Variants in MCAM observed in about 807,000 individuals in gnomAD.
The protein encoded by MCAM is cell surface glycoprotein MUC18.
Under a neutral mutation model 79.1 loss-of-function variants are expected in MCAM, and 55 were observed. The observed-to-expected ratio is 0.70, with a 90% CI of 0.56 to 0.87. The LOEUF (loss-of-function observed/expected upper bound fraction) is 0.87, where lower values mean the gene tolerates loss of function less well. Among genes scored for constraint, MCAM ranks in the 40% least tolerant of loss-of-function variants. The pLI is 0.00. For synonymous variants in MCAM, 330 were observed against 339.8 expected, an observed-to-expected ratio of 0.97 and a Z score of 0.32; for missense variants, 745 against 839.8, an observed-to-expected ratio of 0.89 and a Z score of 1.40.
At position 119,310,434 on chromosome 11, in the gene MCAM, A is replaced by G. The variant is rs1342501335; in HGVS notation, c.1826T>C (p.Val609Ala). The part of the protein sequence containing the change: ...TLPPSRKSEL[V>A]VEVKSDKLPE... ...GAGCTTATCTGACTTAACTTCAACT[A>G]CAAGTTCGCTCTTACGAGACGGGGG... Residue 609 changes from valine to alanine, a missense_variant, in exon 15 of 16, where the codon GTA becomes GCA. Coordinates refer to ENST00000264036, the MANE Select transcript of MCAM (RefSeq NM_006500.3). 1 of 1,613,554 alleles carries G rather than the reference A, an allele frequency of 6.2e-7. No homozygotes were observed. Among genetic ancestry groups the G allele is most frequent in the African/African-American group, 1.3e-5 (1 of 74,870 alleles).
chr11:119,311,057 C>A lies in MCAM; in HGVS notation c.1645+33G>T. ...GGACAGGGCAGAAAGGATGCCCTGG[C>A]ACAGCCCTGTTCTCTTGCCAGGCCT... On this transcript the variant is annotated intron_variant, in intron 13 of 15. Transcript: ENST00000264036. The surrounding 1 kb of genome is among the most constrained non-coding windows in gnomAD (Gnocchi z 4.4). 1 of 1,614,194 alleles carries A rather than the reference C, an allele frequency of 6.2e-7. No individual in the cohort carries two copies. The highest frequency in any genetic ancestry group is 8.5e-7 in the Non-Finnish European group (1 of 1,180,010).
Position 119,315,634 on chromosome 11 carries a change from G to A in MCAM, c.68-371C>T, listed in dbSNP as rs1950301879. ...GTGTGGGAATGCAAAGCATGTGCCA[G>A]GCTGGGGCACACAGGCCCTTTTGTG... On this transcript the variant is annotated intron_variant, in intron 1 of 15. Transcript: ENST00000264036. This position sits in a 1 kb window ranked among gnomAD's most constrained non-coding sequence, Gnocchi z 4.4. The A allele has an allele frequency of 3.9e-6, 1 of 255,594 alleles. No homozygotes were observed. The highest frequency in any genetic ancestry group is 2.2e-5 in the African/African-American group (1 of 46,222). The allele number at this position is 255,594 out of a possible 1,614,324, so 15.8% of individuals were successfully genotyped here.
chr11:119,316,812 C>G lies in MCAM; in HGVS notation c.67+223G>C, dbSNP rs1364566660. On this transcript the variant is annotated intron_variant, in intron 1 of 15. Coordinates refer to ENST00000264036, the MANE Select transcript of MCAM (RefSeq NM_006500.3). The surrounding 1 kb of genome is among the most constrained non-coding windows in gnomAD (Gnocchi z 4.8). ...TCGTTCCCAGAAGCAGCCTCCTCCCCGCCTTCCGAGTGCTGCTCCCGGGAT... is the reference window on the plus strand; with the variant it reads ...TCGTTCCCAGAAGCAGCCTCCTCCCGGCCTTCCGAGTGCTGCTCCCGGGAT... 1.9e-6 allele frequency: 1 copy of G among 516,220 alleles called. No homozygotes were observed. The highest frequency in any genetic ancestry group is 3.8e-5 in the Admixed American group (1 of 26,472). 32.0% of individuals were successfully genotyped at this position (516,220 alleles called of 1,614,324 possible). A position where few individuals can be genotyped will look rare whatever the true frequency, so the allele number is the denominator to read the frequency against.
At position 119,312,399 on chromosome 11, in the gene MCAM, C is replaced by G. The variant is rs1950247489; in HGVS notation, c.891G>C (p.Glu297Asp). The G allele has an allele frequency of 1.2e-6, 2 of 1,613,972 alleles. No individual in the cohort carries two copies. Among genetic ancestry groups the G allele is most frequent in the Admixed American group, 3.3e-5 (2 of 60,002 alleles). Reference protein sequence around the residue: ...QNPSTREAEEETTNDNGVLVL... With the variant: ...QNPSTREAEEDTTNDNGVLVL... ...CCAGGACCCCGTTGTCGTTGGTTGT[C>G]TCTTCCTCTGCCTCCCTGGTGCTGG... Residue 297 changes from glutamate to aspartate, a missense_variant, in exon 8 of 16, where the codon GAG (glutamate) becomes GAC (aspartate). By Grantham distance (45) the Glu-to-Asp change is conservative. Coordinates refer to ENST00000264036, the MANE Select transcript of MCAM (RefSeq NM_006500.3). This position sits in a 1 kb window ranked among gnomAD's most constrained non-coding sequence, Gnocchi z 4.9.
chr11:119,308,973 TTTC>T lies in MCAM; in HGVS notation c.*910_*912del, dbSNP rs1212303217. ...GCTTCCTCACCGCAGGCACGTATCT[TTTC>T]TTTTTTTTTCCTCGAGACGGAGTCT... On this transcript the variant is annotated 3_prime_UTR_variant, in exon 16 of 16. Coordinates refer to ENST00000264036, the MANE Select transcript of MCAM (RefSeq NM_006500.3). The T allele has an allele frequency of 4.6e-5, 7 of 152,126 alleles. No individual in the cohort carries two copies. Among genetic ancestry groups the T allele is most frequent in the Admixed American group, 2.0e-4 (3 of 15,286 alleles). 9.4% of individuals were successfully genotyped at this position (152,126 alleles called of 1,614,324 possible).
At chr11:119,310,253 G>T in intron 15 of MCAM, 96 bp downstream of exon 15, 1 of 870,936 alleles carries the variant, frequency 1.1e-6, no homozygotes, top group South Asian at 1.4e-5. Context: ...CCCTATCTCT[G>T]ACAAAGAGGG....
chr11:119,310,775 G>C lies in MCAM; in HGVS notation c.1774C>G (p.Arg592Gly). ...GCTTACATCTCCTGCTTCCCTGAGC[G>C]CCTGCACGGCAGCTTGCCCTTCTTA... ...LYKKGKLPCR[R>G]SGKQEITLPP... is the part of the protein sequence containing the mutation. Residue 592 changes from arginine to glycine, a missense_variant, in exon 14 of 16, where the codon CGC becomes GGC. By Grantham distance (125) the Arg-to-Gly change is moderately radical. Coordinates refer to ENST00000264036, the MANE Select transcript of MCAM (RefSeq NM_006500.3). The C allele has an allele frequency of 6.2e-7, 1 of 1,614,060 alleles. No homozygotes were observed. Among genetic ancestry groups the C allele is most frequent in the Non-Finnish European group, 8.5e-7 (1 of 1,180,018 alleles).
intron 5 of MCAM, chr11:119,313,323 G>A: frequency 1.5e-6 from 2 of 1,305,022 alleles, no homozygotes; most frequent in Non-Finnish European, 2.0e-6. Flanking sequence ...CAGAAACATT[G>A]TATAAAAGAA....
chr11:119,314,021 G>C, intron 5 of MCAM: 1 of 982,960 alleles, frequency 1.0e-6, no homozygotes, highest in Non-Finnish European at 1.2e-6. Context: ...TGGGAGGGGG[G>C]GTCTCAGGCA....
rs150069507 is a variant in MCAM at position 119,312,951 on chromosome 11, T to TGGGCA, written c.560-7_560-3dup. 673 of 1,614,062 alleles carry TGGGCA rather than the reference T, an allele frequency of 4.2e-4. 4 individuals carry two copies. The African/African-American group carries it at 8.1e-3, about 19-fold the overall frequency. On this transcript the variant is annotated splice_polypyrimidine_tract_variant and splice_region_variant and intron_variant, in intron 5 of 15. Transcript: ENST00000264036. This position sits in a 1 kb window ranked among gnomAD's most constrained non-coding sequence, Gnocchi z 4.9. Reference sequence around the variant, plus strand: ...TCTGGGACGACTGAATGTGGACCCCTGGGCAGGGAGGAAGGGGAGGAAGAC... The same window carrying TGGGCA: ...TCTGGGACGACTGAATGTGGACCCCTGGGCAGGGCAGGGAGGAAGGGGAGGAAGAC...
Position 119,315,364 on chromosome 11 carries a change from G to A in MCAM, c.68-101C>T. 6.9e-7 allele frequency: 1 copy of A among 1,452,868 alleles called. No homozygotes were observed. Among genetic ancestry groups the A allele is most frequent in the Non-Finnish European group, 9.2e-7 (1 of 1,084,690 alleles). 90.0% of individuals were successfully genotyped at this position (1,452,868 alleles called of 1,614,324 possible). On this transcript the variant is annotated intron_variant, in intron 1 of 15. Transcript: ENST00000264036. This position sits in a 1 kb window ranked among gnomAD's most constrained non-coding sequence, Gnocchi z 4.4. Reference sequence around the variant, plus strand: ...GCAGCTGTTTTTCCTGCCACTCAGAGGGTCTGCAGAGGGCCCTGTCCTCTG... The same window carrying A: ...GCAGCTGTTTTTCCTGCCACTCAGAAGGTCTGCAGAGGGCCCTGTCCTCTG...
Position 119,311,412 on chromosome 11 carries a change from G to C in MCAM, c.1417C>G (p.Gln473Glu). The C allele has an allele frequency of 6.2e-7, 1 of 1,614,118 alleles. No homozygotes were observed. The highest frequency in any genetic ancestry group is 8.5e-7 in the Non-Finnish European group (1 of 1,179,988). Residue 473 changes from glutamine (Q) to glutamate (E), a missense_variant, in exon 12 of 16, where the codon CAA becomes GAA. Physicochemically the swap from Gln to Glu is conservative, Grantham distance 29. Coordinates refer to ENST00000264036, the MANE Select transcript of MCAM (RefSeq NM_006500.3). The surrounding 1 kb of genome is among the most constrained non-coding windows in gnomAD (Gnocchi z 4.4). ...SWNVNGTASE[Q>E]DQDPQRVLST... ...AGGACTCGCTGTGGATCTTGGTCTT[G>C]TTCACTTGCCTGCGAGGAAAGGAAG...
rs562479691 is a variant in MCAM at position 119,312,521 on chromosome 11, C to T, written c.861+6G>A. The T allele has an allele frequency of 1.2e-5, 20 of 1,614,132 alleles. No individual in the cohort carries two copies. The highest frequency in any genetic ancestry group is 1.6e-4 in the Middle Eastern group (1 of 6,062). ...CCCACCTGCACCCAGCACAAAGCCC[C>T]CACACCTGCTTGCTGATGCTGAAGT... On this transcript the variant is annotated splice_donor_region_variant and intron_variant, in intron 7 of 15. Transcript: ENST00000264036. The surrounding 1 kb of genome is among the most constrained non-coding windows in gnomAD (Gnocchi z 4.9).
rs1475313178 is a variant in MCAM at position 119,314,511 on chromosome 11, C to G, written c.537G>C (p.Arg179=). The G allele has an allele frequency of 6.2e-7, 1 of 1,613,854 alleles. No individual in the cohort carries two copies. Among genetic ancestry groups the G allele is most frequent in the East Asian group, 2.2e-5 (1 of 44,864 alleles). ...CACGGTTCTTCTCCTCCTTCAGAGG[C>G]CGGCCATTCTTGTACCAGATGACTT... ...IPQVIWYKNG[R]PLKEEKNRVH... is the part of the protein sequence containing the mutation. The change falls in exon 5 of 16, where the codon CGG becomes CGC. Residue 179 remains arginine (R), a synonymous_variant. Coordinates refer to ENST00000264036, the MANE Select transcript of MCAM (RefSeq NM_006500.3).
rs947615025 is a variant in MCAM, at chr11:119,316,392, G to A, written c.67+643C>T. The stretch of plus-strand genomic sequence containing the variant: ...CCGGGCGCACTTCCCACCTGAATGT[G>A]GTCCCCAAAATAAGCCAGCGGGCGC... On this transcript the variant is annotated intron_variant, in intron 1 of 15. Coordinates refer to ENST00000264036, the MANE Select transcript of MCAM (RefSeq NM_006500.3). The surrounding 1 kb of genome is among the most constrained non-coding windows in gnomAD (Gnocchi z 4.8). Among the ~76,000 whole-genome samples, 4 of 152,200 alleles carry A rather than the reference G, an allele frequency of 2.6e-5. No homozygotes were observed. The highest frequency in any genetic ancestry group is 7.2e-5 in the African/African-American group (3 of 41,462).
At chr11:119,310,499 T>C (rs1243856191) in intron 14 of MCAM, 33 bp from the exon 15 acceptor site, 4 of 1,403,598 alleles carry the variant, frequency 2.8e-6, no homozygotes. Context: ...GAGGTTGGTA[T>C]CTCAGGGCCA....
At position 119,309,900 on chromosome 11, in the gene MCAM, C is replaced by G. The variant is rs139488333; in HGVS notation, c.1927G>C (p.Asp643His). The G allele has an allele frequency of 6.9e-6, 11 of 1,601,024 alleles. No homozygotes were observed. Among genetic ancestry groups the G allele is most frequent in the African/African-American group, 5.4e-5 (4 of 74,748 alleles). Residue 643 changes from aspartate to histidine, a missense_variant, in exon 16 of 16, where the codon GAT (aspartate) becomes CAT (histidine). Physicochemically the swap from Asp to His is moderately conservative, Grantham distance 81 (BLOSUM62 -1). Transcript: ENST00000264036. ...APGDQGEKYI[D>H]LRH The stretch of plus-strand genomic sequence containing the variant: ...GTGATTCGGGGCTAATGCCTCAGAT[C>G]GATGTATTTCTCTCCCTAAAAGTGG...
intron 5 of MCAM, chr11:119,313,167 T>A: frequency 6.6e-7 from 1 of 1,512,424 alleles, no homozygotes; most frequent in Non-Finnish European, 8.8e-7. Context: ...TATCCAAGGA[T>A]GTGTGCAAAG....
Position 119,309,451 on chromosome 11 carries a change from G to A in MCAM, c.*435C>T, listed in dbSNP as rs529303451. ...ACAGCGCACTTCAACATGAGCAGGC[G>A]CCTGGCTCCGGTGTGTCCTCACTTC... On this transcript the variant is annotated 3_prime_UTR_variant, in exon 16 of 16. Coordinates refer to ENST00000264036, the MANE Select transcript of MCAM (RefSeq NM_006500.3). 1.2e-4 allele frequency: 23 copies of A among 196,224 alleles called. No individual in the cohort carries two copies. Among genetic ancestry groups the A allele is most frequent in the African/African-American group, 3.2e-4 (14 of 43,212 alleles). The allele number at this position is 196,224 out of a possible 1,614,324, so 12.2% of individuals were successfully genotyped here.
Sources: gnomAD v4.1 joint callset for allele counts (sites outside exome capture counted in the v4.1 genomes callset) on GRCh38, gnomAD v4.1.1 for gene constraint, Gnocchi (gnomAD v3.1) non-coding constraint, MANE v1.5 for transcripts, NCBI Gene and HGNC (gene_info 2026-07-23, HGNC 2026-07-21) for gene names.